Variants in KALRN observed in about 807,000 individuals in gnomAD.
KALRN encodes kalirin RhoGEF kinase.
Under a neutral mutation model 353.7 loss-of-function variants are expected in KALRN, and 70 were observed. That is an observed-to-expected ratio of 0.20 (90% confidence interval 0.16 to 0.24). The LOEUF is 0.24. Among genes scored for constraint, KALRN ranks in the 10% least tolerant of loss-of-function variants. KALRN has a pLI of 1.00. For synonymous variants in KALRN, 1,391 were observed against 1,434.8 expected, an observed-to-expected ratio of 0.97 and a Z score of 0.69; for missense variants, 2,791 against 3,756.7, an observed-to-expected ratio of 0.74 and a Z score of 6.72.
chr3:124,667,029 G>T lies in KALRN; in HGVS notation c.6549G>T (p.Leu2183=), dbSNP rs371984576. The change falls in exon 47 of 60, where the codon CTG becomes CTT. Residue 2183 remains leucine, a synonymous_variant. Transcript: ENST00000682506. ...TCTTCCAGATGAATTACTTGGTCCT[G>T]GAGGAGAATGTGGACAATGATCCCT... ...KRSIKMNYLV[L]EENVDNDPCK... 2 of 1,609,798 alleles carry T rather than the reference G, an allele frequency of 1.2e-6. No individual in the cohort carries two copies. Among genetic ancestry groups the T allele is most frequent in the African/African-American group, 2.7e-5 (2 of 74,844 alleles).
intron 3 of KALRN, among the ~76,000 whole-genome samples, chr3:124,263,764 C>T (rs4289301): frequency 0.68 from 103,530 of 152,008 alleles, 35,962 homozygotes; most frequent in East Asian, 1. Context: ...GGCTTAGTGG[C>T]AAGATGTACC....
chr3:124,589,751 G>T (rs2075584913), intron 34 of KALRN, among the ~76,000 whole-genome samples: 1 of 152,158 alleles, frequency 6.6e-6, no homozygotes, highest in South Asian at 2.1e-4. Flanking sequence ...GTAGCCACAG[G>T]GGATTGGTTC....
chr3:124,101,571 G>A (rs142423438), intron 1 of KALRN, among the ~76,000 whole-genome samples: 104 of 152,282 alleles, frequency 6.8e-4, no homozygotes, highest in African/African-American at 2.4e-3. Flanking sequence ...TCCAAGTCAA[G>A]GATTGATTCT....
At chr3:124,535,179 GT>G (rs200899149) in intron 33 of KALRN, among the ~76,000 whole-genome samples, 303 of 147,510 alleles carry the variant, frequency 2.1e-3, no homozygotes, top group East Asian at 0.014. Context: ...CTATAAAGAA[GT>G]TTTTTTTTTT....
At chr3:124,203,656 ACCT>A (rs1348450037) in intron 1 of KALRN, among the ~76,000 whole-genome samples, 1 of 152,124 alleles carries the variant, frequency 6.6e-6, no homozygotes, top group Non-Finnish European at 1.5e-5. Context: ...ACTAACACTG[ACCT>A]CCTCTATGCC....
intron 6 of KALRN, among the ~76,000 whole-genome samples, chr3:124,310,893 A>G (rs2091407609): frequency 1.3e-5 from 2 of 152,158 alleles, no homozygotes; most frequent in African/African-American, 2.4e-5. Flanking sequence ...TGCAATCTAT[A>G]AAGAACTCTT....
Position 124,490,718 on chromosome 3 carries a change from A to G in KALRN, c.4421A>G (p.Gln1474Arg), listed in dbSNP as rs1334882900. ...GGGTTCGACGAGAACCTGGATGTGC[A>G]GGGGGAGTTGATTCTCCAGGATGCC... ...LEGFDENLDV[Q>R]GELILQDAFQ... Residue 1474 changes from glutamine to arginine, a missense_variant, in exon 30 of 60, where the codon CAG (glutamine) becomes CGG (arginine). Physicochemically the swap from Gln to Arg is conservative, Grantham distance 43. Around this residue, in one of 11 missense-constraint regions of KALRN, gnomAD observed 239 missense variants for 351.3 expected, o/e 0.68. Transcript: ENST00000682506. 2 of 1,613,200 alleles carry G rather than the reference A, an allele frequency of 1.2e-6. No individual in the cohort carries two copies. Among genetic ancestry groups the G allele is most frequent in the Non-Finnish European group, 1.7e-6 (2 of 1,179,806 alleles).
At chr3:124,633,053 T>C (rs958840292) in intron 35 of KALRN, among the ~76,000 whole-genome samples, 2 of 152,236 alleles carry the variant, frequency 1.3e-5, no homozygotes, top group African/African-American at 4.8e-5. Flanking sequence ...GATTGTTTCA[T>C]TTTGAAAACA....
intron 34 of KALRN, among the ~76,000 whole-genome samples, chr3:124,627,898 A>G (rs1420923193): frequency 6.6e-6 from 1 of 152,212 alleles, no homozygotes; most frequent in Non-Finnish European, 1.5e-5. Flanking sequence ...TTCCCTGAGT[A>G]TAGCAACGCT....
At chr3:124,718,021 AG>A (rs1222878143) in intron 59 of KALRN, among the ~76,000 whole-genome samples, 5 of 151,226 alleles carry the variant, frequency 3.3e-5, no homozygotes, top group African/African-American at 9.7e-5. Context: ...CATGTTGGCC[AG>A]GCTGGTCTTG....
intron 38 of KALRN, among the ~76,000 whole-genome samples, 184 bp from the exon 39 acceptor site, chr3:124,655,417 C>A (rs1272079238): frequency 2.0e-5 from 3 of 152,188 alleles, no homozygotes; most frequent in Non-Finnish European, 4.4e-5. Flanking sequence ...CCTTGGTGTC[C>A]TCAGCCCTTC....
chr3:124,432,313 C>G (rs1428826191), intron 16 of KALRN, among the ~76,000 whole-genome samples: 1 of 152,092 alleles, frequency 6.6e-6, no homozygotes, highest in Non-Finnish European at 1.5e-5. Flanking sequence ...ACTCGGGAGG[C>G]TGAGGCAGGA....
intron 1 of KALRN, among the ~76,000 whole-genome samples, chr3:124,158,574 G>C (rs1359834584): frequency 6.6e-6 from 1 of 152,174 alleles, no homozygotes; most frequent in East Asian, 1.9e-4. Flanking sequence ...TTTATGCAAA[G>C]GGATCTCCAT....
chr3:124,346,902 G>T lies in KALRN; in HGVS notation c.1648-241G>T, dbSNP rs552373082. Among the ~76,000 whole-genome samples the T allele has an allele frequency of 2.0e-5, 3 of 152,290 alleles. No individual in the cohort carries two copies. In the East Asian group the frequency reaches 5.8e-4, roughly 29 times the overall value. On this transcript the variant is annotated intron_variant, in intron 9 of 59. Coordinates refer to ENST00000682506, the MANE Select transcript of KALRN (RefSeq NM_001388419.1). ...AACTAAGAAAATGGAAAAAGTAATG[G>T]AAGGATAATATGGAGATCAAAAAGG...
intron 2 of KALRN, among the ~76,000 whole-genome samples, 192 bp from the exon 3 acceptor site, chr3:124,234,637 C>A (rs558234816): frequency 6.6e-6 from 1 of 152,232 alleles, no homozygotes; most frequent in East Asian, 1.9e-4. Context: ...CCAGAGAAGC[C>A]AAAAGACTTG....
At chr3:124,348,057 C>T (rs905239665) in intron 10 of KALRN, among the ~76,000 whole-genome samples, 9 of 152,258 alleles carry the variant, frequency 5.9e-5, no homozygotes, top group South Asian at 2.1e-4. Flanking sequence ...GTTTTCCAAA[C>T]GGGTCCTGAA....
chr3:124,483,416 G>A (rs2062190348), intron 28 of KALRN, among the ~76,000 whole-genome samples: 1 of 152,162 alleles, frequency 6.6e-6, no homozygotes, highest in African/African-American at 2.4e-5. Flanking sequence ...GCCAGGCATG[G>A]TGGTGTGCAC....
intron 34 of KALRN, among the ~76,000 whole-genome samples, chr3:124,580,953 T>TAAC (rs2074571834): frequency 6.6e-6 from 1 of 150,790 alleles, no homozygotes; most frequent in African/African-American, 2.4e-5. Flanking sequence ...ATTAAAATAA[T>TAAC]AATAATAATA....
chr3:124,270,679 G>A (rs4300956), intron 5 of KALRN, among the ~76,000 whole-genome samples: 65,110 of 151,998 alleles, frequency 0.43, 14,039 homozygotes, highest in Middle Eastern at 0.48. Flanking sequence ...GACCTGCCCT[G>A]AGAAGGGCAG....
Sources: allele counts gnomAD v4.1 joint callset (sites outside exome capture counted in the v4.1 genomes callset), GRCh38; gene constraint gnomAD v4.1.1; regional missense constraint gnomAD v4.1.1; transcripts MANE v1.5; gene names NCBI Gene and HGNC (gene_info 2026-07-23, HGNC 2026-07-21).